Variants in PCDH10 observed in about 807,000 individuals in gnomAD.
PCDH10 encodes the protein protocadherin-10.
A neutral mutation model predicts 74.4 loss-of-function variants in PCDH10; 15 were observed. That is an observed-to-expected ratio of 0.20 (90% CI 0.13 to 0.31). The LOEUF (loss-of-function observed/expected upper bound fraction) is 0.31, where lower values mean the gene tolerates loss of function less well. PCDH10 is among the 10% of genes least tolerant of loss of function. The pLI is 1.00. For missense variants in PCDH10, 1,260 were observed against 1,390.2 expected, an observed-to-expected ratio of 0.91 and a Z score of 1.49; for synonymous variants, 619 against 589.8, an observed-to-expected ratio of 1.05 and a Z score of -0.72.
Position 133,192,320 on chromosome 4 carries a change from T to C in PCDH10, c.*2160T>C, listed in dbSNP as rs935130360. On this transcript the variant is annotated 3_prime_UTR_variant, in exon 5 of 5. Transcript: ENST00000264360. ...GAAAAAAGTCTGTTTGTTCCAACTC[T>C]TTTTTTTAGCAAGAAAATGATTTTC... is the stretch of plus-strand genomic sequence containing the variant. 6.6e-6 allele frequency: 1 copy of C among 151,308 alleles called. No individual in the cohort carries two copies. The allele number at this position is 151,308 out of a possible 1,614,324, so 9.4% of individuals were successfully genotyped here.
chr4:133,151,331 A>G lies in PCDH10; in HGVS notation c.1191A>G (p.Leu397=), dbSNP rs1230608161. ...SEENGQVQCE[L]LGDVPFRLKS... Reference sequence around the variant, plus strand: ...AGAATGGGCAGGTGCAGTGCGAGCTACTGGGAGACGTGCCTTTCCGCCTCA... The same window carrying G: ...AGAATGGGCAGGTGCAGTGCGAGCTGCTGGGAGACGTGCCTTTCCGCCTCA... Residue 397 remains leucine (L), a synonymous_variant, in exon 1 of 5, where the codon CTA becomes CTG. Transcript: ENST00000264360. 3 of 1,614,146 alleles carry G rather than the reference A, an allele frequency of 1.9e-6. No individual in the cohort carries two copies. The highest frequency in any genetic ancestry group is 1.7e-6 in the Non-Finnish European group (2 of 1,180,016).
At chr4:133,163,693 A>G (rs889924489) in intron 4 of PCDH10, among the ~76,000 whole-genome samples, 6 of 152,312 alleles carry the variant, frequency 3.9e-5, no homozygotes, top group African/African-American at 1.4e-4. Context: ...TTTGATAAAG[A>G]TAAAACTCAT....
Position 133,155,150 on chromosome 4 carries a change from T to C in PCDH10, c.2797+127T>C, listed in dbSNP as rs1726839281. 10 of 673,200 alleles carry C rather than the reference T, an allele frequency of 1.5e-5. No individual in the cohort carries two copies. In the East Asian group the frequency reaches 2.7e-4, roughly 18 times the overall value. The allele number at this position is 673,200 out of a possible 1,614,324, so 41.7% of individuals were successfully genotyped here. On this transcript the variant is annotated intron_variant, in intron 3 of 4. Coordinates refer to ENST00000264360, the MANE Select transcript of PCDH10 (RefSeq NM_032961.3). ...TAATGCTGGTAACTCTACAGAAAAATAGTGTCACTCTACTTTGATATTTGC... is the reference window on the plus strand; with the variant it reads ...TAATGCTGGTAACTCTACAGAAAAACAGTGTCACTCTACTTTGATATTTGC...
intron 4 of PCDH10, among the ~76,000 whole-genome samples, chr4:133,180,811 A>G (rs1350360473): frequency 6.6e-6 from 1 of 151,942 alleles, no homozygotes; most frequent in Non-Finnish European, 1.5e-5. Flanking sequence ...TCCAAAAGTA[A>G]CATAATGATT....
chr4:133,162,291 T>A (rs1021827361), intron 3 of PCDH10, among the ~76,000 whole-genome samples: 2 of 152,196 alleles, frequency 1.3e-5, no homozygotes, highest in Non-Finnish European at 2.9e-5. Flanking sequence ...AGGTGGTAAA[T>A]AATAAGTGGT....
At chr4:133,172,292 AT>A (rs1016362577) in intron 4 of PCDH10, among the ~76,000 whole-genome samples, 7 of 151,942 alleles carry the variant, frequency 4.6e-5, no homozygotes, top group Non-Finnish European at 8.8e-5. Context: ...CTTAAAAATA[AT>A]TTTTTTACTA....
chr4:133,190,036 G>A, intron 4 of PCDH10, 105 bp from the exon 5 acceptor site: 1 of 916,188 alleles, frequency 1.1e-6, no homozygotes, highest in Non-Finnish European at 1.8e-6. Context: ...TGGTATGAGG[G>A]TACAACTAGT....
At chr4:133,172,114 A>G (rs1727215077) in intron 4 of PCDH10, among the ~76,000 whole-genome samples, 2 of 152,074 alleles carry the variant, frequency 1.3e-5, no homozygotes, top group South Asian at 2.1e-4. Context: ...CAGCTTGAAC[A>G]TGACAACTCT....
Position 133,190,239 on chromosome 4 carries a change from T to C in PCDH10, c.*79T>C. On this transcript the variant is annotated 3_prime_UTR_variant, in exon 5 of 5. Coordinates refer to ENST00000264360, the MANE Select transcript of PCDH10 (RefSeq NM_032961.3). ...AAAAGCATCAACTTTTCAACTTCATTATCTTGGCCATCCAGTTAGTCATGT... is the reference window on the plus strand; with the variant it reads ...AAAAGCATCAACTTTTCAACTTCATCATCTTGGCCATCCAGTTAGTCATGT... 3 of 1,285,436 alleles carry C rather than the reference T, an allele frequency of 2.3e-6. No individual in the cohort carries two copies. Among genetic ancestry groups the C allele is most frequent in the Non-Finnish European group, 3.4e-6 (3 of 880,994 alleles). The allele number at this position is 1,285,436 out of a possible 1,614,324, so 79.6% of individuals were successfully genotyped here.
chr4:133,196,008 A>C (rs2125875890), downstream of PCDH10, among the ~76,000 whole-genome samples: 1 of 152,282 alleles, frequency 6.6e-6, no homozygotes, highest in African/African-American at 2.4e-5. Context: ...TTAATCTTTT[A>C]CCCTTTGTAA....
intron 3 of PCDH10, among the ~76,000 whole-genome samples, chr4:133,161,459 T>G (rs1389902543): frequency 6.6e-6 from 1 of 152,026 alleles, no homozygotes; most frequent in African/African-American, 2.4e-5. Flanking sequence ...AATTATTTTA[T>G]TTTATATATG....
In PCDH10 at chr4:133,190,402, A is replaced by G; in HGVS notation, c.*242A>G. 1 of 556,008 alleles carries G rather than the reference A, an allele frequency of 1.8e-6. No individual in the cohort carries two copies. The allele number at this position is 556,008 out of a possible 1,614,324, so 34.4% of individuals were successfully genotyped here. ...GGCAACAGATTTTGCCTCCCCGATC[A>G]GTGTGTGCCTGTTTACAGCACTATC... On this transcript the variant is annotated 3_prime_UTR_variant, in exon 5 of 5. Coordinates refer to ENST00000264360, the MANE Select transcript of PCDH10 (RefSeq NM_032961.3).
At position 133,154,998 on chromosome 4, in the gene PCDH10, T is replaced by C. The variant is rs2271171; in HGVS notation, c.2772T>C (p.Asp924=). The change falls in exon 3 of 5, where the codon GAT becomes GAC. Residue 924 remains aspartate, a synonymous_variant. Coordinates refer to ENST00000264360, the MANE Select transcript of PCDH10 (RefSeq NM_032961.3). ...GDSEQGDSDH[D]ATNRAQSAGM... ...GTGAACAGGGAGATAGTGATCATGA[T>C]GCCACCAACCGTGCCCAGTCAGCTG... is the stretch of plus-strand genomic sequence containing the variant. The C allele has an allele frequency of 0.023, 36,325 of 1,612,482 alleles. 1,378 individuals are homozygous for C. Among genetic ancestry groups the C allele is most frequent in the East Asian group, 0.18 (8,203 of 44,828 alleles).
chr4:133,169,691 T>G (rs1456566177), intron 4 of PCDH10, among the ~76,000 whole-genome samples: 1 of 151,956 alleles, frequency 6.6e-6, no homozygotes, highest in Non-Finnish European at 1.5e-5. Flanking sequence ...TGCCTCATCA[T>G]ACTGAAGATT....
chr4:133,202,578 G>T (rs1285565975), intron 2 of PCDH10, among the ~76,000 whole-genome samples: 12 of 151,972 alleles, frequency 7.9e-5, no homozygotes. Flanking sequence ...GTGTCTCTGT[G>T]GGGCAAGAGA....
chr4:133,203,740 C>T (rs1340094499), intron 2 of PCDH10, among the ~76,000 whole-genome samples: 1 of 152,102 alleles, frequency 6.6e-6, no homozygotes, highest in Non-Finnish European at 1.5e-5. Context: ...GCTTTCAGTC[C>T]GTTTCCTGAT....
chr4:133,177,288 T>C (rs1727314361), intron 4 of PCDH10, among the ~76,000 whole-genome samples: 1 of 152,150 alleles, frequency 6.6e-6, no homozygotes, highest in Non-Finnish European at 1.5e-5. Flanking sequence ...TAAAATCTTA[T>C]TATCTAATAA....
chr4:133,167,236 T>G (rs1240639676), intron 4 of PCDH10, among the ~76,000 whole-genome samples: 3 of 151,638 alleles, frequency 2.0e-5, no homozygotes, highest in Non-Finnish European at 4.4e-5. Context: ...TAGACATCTA[T>G]ATTATGTCTA....
At chr4:133,188,265 G>A (rs1034038543) in intron 4 of PCDH10, among the ~76,000 whole-genome samples, 7 of 152,190 alleles carry the variant, frequency 4.6e-5, no homozygotes, top group South Asian at 2.1e-4. Flanking sequence ...TTTGGTGACC[G>A]TAATGATTTG....
Sources: gnomAD v4.1 joint callset for allele counts (sites outside exome capture counted in the v4.1 genomes callset) on GRCh38, gnomAD v4.1.1 for gene constraint, MANE v1.5 for transcripts, NCBI Gene and HGNC (gene_info 2026-07-23, HGNC 2026-07-21) for gene names.